STOX2: variants seen among roughly 807,000 people sequenced by gnomAD.
STOX2 encodes the protein storkhead-box protein 2.
A neutral mutation model predicts 60.9 loss-of-function variants in STOX2; 28 were observed. That is an observed-to-expected ratio of 0.46 (90% CI 0.34 to 0.63). The LOEUF (loss-of-function observed/expected upper bound fraction) is 0.63, where lower values mean the gene tolerates loss of function less well. Among genes scored for constraint, STOX2 ranks in the 30% least tolerant of loss-of-function variants. The probability of loss-of-function intolerance (pLI) is 0.01; values close to 1 mark genes in which losing one functional copy is unlikely to be tolerated. For missense variants in STOX2, 1,024 were observed against 1,187.7 expected (o/e 0.86, Z 2.03); for synonymous variants, 472 against 463.9 (o/e 1.02, Z -0.22).
chr4:183,882,653 G>A (rs1740984159), intron 1 of STOX2, among the ~76,000 whole-genome samples: 1 of 152,200 alleles, frequency 6.6e-6, no homozygotes, highest in South Asian at 2.1e-4. Context: ...GATTTACTAT[G>A]CCTGGGTTAC....
intron 1 of STOX2, among the ~76,000 whole-genome samples, chr4:183,908,661 G>A (rs1235754672): frequency 7.0e-6 from 1 of 141,964 alleles, no homozygotes; most frequent in Non-Finnish European, 1.5e-5. Flanking sequence ...CTTTGCAAAA[G>A]AACTTGTCTG....
chr4:183,895,381 G>A (rs1206386830), intron 1 of STOX2, among the ~76,000 whole-genome samples: 4 of 152,106 alleles, frequency 2.6e-5, no homozygotes, highest in Non-Finnish European at 5.9e-5. Context: ...CCTCTGCTGG[G>A]AACCATAGCA....
intron 1 of STOX2, among the ~76,000 whole-genome samples, chr4:183,940,484 C>G (rs1269273563): frequency 6.6e-6 from 1 of 152,192 alleles, no homozygotes; most frequent in Non-Finnish European, 1.5e-5. Flanking sequence ...GTGGGAATTA[C>G]CTGGGGCATG....
intron 1 of STOX2, among the ~76,000 whole-genome samples, chr4:183,893,256 G>A (rs1042050703): frequency 6.6e-6 from 1 of 152,148 alleles, no homozygotes; most frequent in Admixed American, 6.5e-5. Flanking sequence ...CCAGGTAAGC[G>A]GCAGTTCCCT....
At chr4:183,885,477 G>T (rs902697669) in intron 1 of STOX2, among the ~76,000 whole-genome samples, 1 of 152,204 alleles carries the variant, frequency 6.6e-6, no homozygotes. Flanking sequence ...TTTGAGTGAT[G>T]ATGATTCTGG....
rs113198504 is a variant in STOX2 at position 183,992,031 on chromosome 4, G to A, written c.167-9294G>A. 3.4e-3 allele frequency among the ~76,000 whole-genome samples: 511 copies of A among 152,262 alleles called. 3 individuals carry two copies. Among genetic ancestry groups the A allele is most frequent in the African/African-American group, 0.012 (486 of 41,550 alleles). The stretch of plus-strand genomic sequence containing the variant: ...GAGAAAAGTTACTTAATTGTACAGC[G>A]ACTTAGACGTTTCCTCTGTGTATCT... On this transcript the variant is annotated intron_variant, in intron 1 of 3. Coordinates refer to ENST00000308497, the MANE Select transcript of STOX2 (RefSeq NM_020225.3).
At chr4:183,927,956 G>A (rs1742293651) in intron 1 of STOX2, among the ~76,000 whole-genome samples, 2 of 152,178 alleles carry the variant, frequency 1.3e-5, no homozygotes, top group Non-Finnish European at 2.9e-5. Flanking sequence ...GCCCCTCCTT[G>A]CTGTGGTCGG....
chr4:183,994,758 A>G (rs1733261576), intron 1 of STOX2, among the ~76,000 whole-genome samples: 1 of 152,222 alleles, frequency 6.6e-6, no homozygotes, highest in South Asian at 2.1e-4. Context: ...GAATTTCTCA[A>G]TTATAAACTA....
At chr4:183,844,021 GTTC>G (rs999246574) in intron 1 of STOX2, among the ~76,000 whole-genome samples, 6 of 152,050 alleles carry the variant, frequency 3.9e-5, no homozygotes, top group Admixed American at 6.6e-5. Context: ...TACTCCCAGT[GTTC>G]TTCTACCCAA....
chr4:183,924,214 A>G (rs562209604), intron 1 of STOX2, among the ~76,000 whole-genome samples: 11 of 152,198 alleles, frequency 7.2e-5, no homozygotes, highest in African/African-American at 2.6e-4. Flanking sequence ...CAGGGCCTTG[A>G]CACGTATGCT....
At chr4:183,854,275 T>G (rs149313281) in intron 1 of STOX2, among the ~76,000 whole-genome samples, 1 of 152,262 alleles carries the variant, frequency 6.6e-6, no homozygotes, top group African/African-American at 2.4e-5. Context: ...TACTTTCTCA[T>G]GAACCTCCAT....
chr4:184,007,709 T>C lies in STOX2; in HGVS notation c.320-1449T>C, dbSNP rs542088925. 5.9e-5 allele frequency among the ~76,000 whole-genome samples: 9 copies of C among 152,306 alleles called. No homozygotes were observed. The South Asian group carries it at 1.7e-3, about 28-fold the overall frequency. ...GTCCAGAATCACAATCTCAGCAGGATTGGTTGTCCTTCTGAGAGCTGTGAG... is the reference window on the plus strand; with the variant it reads ...GTCCAGAATCACAATCTCAGCAGGACTGGTTGTCCTTCTGAGAGCTGTGAG... On this transcript the variant is annotated intron_variant, in intron 2 of 3. Transcript: ENST00000308497.
chr4:183,831,771 A>G (rs1232272321), intron 1 of STOX2, among the ~76,000 whole-genome samples: 1 of 152,168 alleles, frequency 6.6e-6, no homozygotes, highest in Non-Finnish European at 1.5e-5. Context: ...AAGTAAATAC[A>G]TAGATAAATA....
rs1488403935 is a variant in STOX2 at position 184,009,579 on chromosome 4, C to T, written c.741C>T (p.Ser247=). ...AGAGCAAAAGTACTGTAAATTTTTC[C>T]TATAAGACAGAAACTCTCTCAAAAC... ...TEKSKSTVNF[S]YKTETLSKPK... Residue 247 remains serine, a synonymous_variant, in exon 3 of 4, where the codon TCC becomes TCT. Transcript: ENST00000308497. The surrounding 1 kb of genome is among the most constrained non-coding windows in gnomAD (Gnocchi z 4.0). 1 of 1,613,880 alleles carries T rather than the reference C, an allele frequency of 6.2e-7. No homozygotes were observed. Among genetic ancestry groups the T allele is most frequent in the Non-Finnish European group, 8.5e-7 (1 of 1,179,828 alleles).
intron 1 of STOX2, among the ~76,000 whole-genome samples, chr4:183,843,765 G>C (rs537474778): frequency 6.6e-6 from 1 of 152,158 alleles, no homozygotes; most frequent in Non-Finnish European, 1.5e-5. Context: ...TTATTATAAA[G>C]GTAATACCAT....
chr4:183,912,155 C>T (rs936461644), intron 1 of STOX2, among the ~76,000 whole-genome samples: 8 of 152,194 alleles, frequency 5.3e-5, no homozygotes, highest in Admixed American at 4.6e-4. Flanking sequence ...TTCTTCTGTT[C>T]TATTACACTA....
At chr4:183,944,401 T>G (rs1018749211) in intron 1 of STOX2, among the ~76,000 whole-genome samples, 8 of 152,180 alleles carry the variant, frequency 5.3e-5, no homozygotes, top group Non-Finnish European at 1.0e-4. Flanking sequence ...CATCAGATAT[T>G]TACTGAGCAT....
chr4:183,924,331 G>C (rs1024588163), intron 1 of STOX2, among the ~76,000 whole-genome samples: 20 of 152,146 alleles, frequency 1.3e-4, no homozygotes, highest in African/African-American at 4.3e-4. Context: ...TGATGATGGG[G>C]GCTGAGTAAG....
intron 1 of STOX2, among the ~76,000 whole-genome samples, chr4:183,965,500 C>CAT (rs1319363783): frequency 2.0e-5 from 3 of 152,134 alleles, no homozygotes; most frequent in Non-Finnish European, 2.9e-5. Context: ...GTTTGTTCTT[C>CAT]AACTCTGATA....
Sources: allele counts gnomAD v4.1 joint callset (sites outside exome capture counted in the v4.1 genomes callset), GRCh38; gene constraint gnomAD v4.1.1; non-coding constraint Gnocchi (gnomAD v3.1); transcripts MANE v1.5; gene names NCBI Gene and HGNC (gene_info 2026-07-23, HGNC 2026-07-21).